Variants in TFCP2 observed in about 807,000 individuals in gnomAD.
TFCP2 encodes alpha-globin transcription factor CP2.
In TFCP2, 33 loss-of-function variants were observed where a neutral mutation model predicts 73.4. The ratio of observed to expected loss-of-function variants is 0.45; its 90% CI spans 0.34 to 0.60. The LOEUF (loss-of-function observed/expected upper bound fraction) is 0.60, where lower values mean the gene tolerates loss of function less well. TFCP2 is among the 20% of genes least tolerant of loss of function. The pLI is 0.01. For missense variants in TFCP2, 352 were observed against 604.0 expected (o/e 0.58, Z 4.37); for synonymous variants, 193 against 211.6 (o/e 0.91, Z 0.76).
Position 51,099,798 on chromosome 12 carries a change from CTAAT to C in TFCP2, c.1152-23_1152-20del. 2 of 1,611,762 alleles carry C rather than the reference CTAAT, an allele frequency of 1.2e-6. No individual in the cohort carries two copies. Among genetic ancestry groups the C allele is most frequent in the Non-Finnish European group, 1.7e-6 (2 of 1,178,268 alleles). On this transcript the variant is annotated intron_variant, in intron 11 of 14. Coordinates refer to ENST00000257915, the MANE Select transcript of TFCP2 (RefSeq NM_005653.5). The stretch of plus-strand genomic sequence containing the variant: ...CACCATCCTAAGGGGAGGAAAAAGG[CTAAT>C]TAGTCTTACATTCTTTATGGTAAGC...
intron 11 of TFCP2, among the ~76,000 whole-genome samples, chr12:51,101,066 G>A (rs1194356580): frequency 2.6e-5 from 4 of 152,158 alleles, no homozygotes; most frequent in Non-Finnish European, 5.9e-5. Context: ...CACTTTGGGA[G>A]GCCAAGGCGG....
intron 1 of TFCP2, among the ~76,000 whole-genome samples, chr12:51,156,023 T>C (rs996247108): frequency 6.7e-6 from 1 of 149,032 alleles, no homozygotes; most frequent in African/African-American, 2.5e-5. Context: ...GCCTCAGTGA[T>C]AGAGTGAGAC....
chr12:51,097,435 A>G (rs1939990977), intron 13 of TFCP2, among the ~76,000 whole-genome samples: 2 of 150,500 alleles, frequency 1.3e-5, no homozygotes, highest in African/African-American at 2.5e-5. Flanking sequence ...TTTAGTAGAG[A>G]TGGGGTTTCA....
Position 51,101,959 on chromosome 12 carries a change from C to T in TFCP2, c.1127G>A (p.Arg376Lys), listed in dbSNP as rs1361539904. Residue 376 changes from arginine (R) to lysine (K), a missense_variant, in exon 11 of 15, where the codon AGA becomes AAA. Physicochemically the swap from Arg to Lys is conservative, Grantham distance 26. This residue lies in a region of TFCP2 where 194 missense variants were observed against 256.3 expected (regional missense o/e 0.76). Coordinates refer to ENST00000257915, the MANE Select transcript of TFCP2 (RefSeq NM_005653.5). ...IQICGPADGI[R>K]LFNALKGRMV... The stretch of plus-strand genomic sequence containing the variant: ...CCGGCCTTTTAATGCATTAAAAAGT[C>T]TGATTCCATCTGCAGGGCCACAGAT... The T allele has an allele frequency of 1.2e-6, 2 of 1,612,486 alleles. No individual in the cohort carries two copies. Among genetic ancestry groups the T allele is most frequent in the Non-Finnish European group, 1.7e-6 (2 of 1,178,806 alleles).
intron 13 of TFCP2, 81 bp from the exon 14 acceptor site, chr12:51,096,121 C>T: frequency 1.8e-6 from 2 of 1,089,922 alleles, no homozygotes; most frequent in Non-Finnish European, 2.8e-6. Flanking sequence ...GACTACCCCA[C>T]ATCCAGAGGG....
In TFCP2 at chr12:51,121,394, G is replaced by A. The variant is rs191331504; in HGVS notation, c.123-2622C>T. Among the ~76,000 whole-genome samples, 188 of 150,994 alleles carry A rather than the reference G, an allele frequency of 1.2e-3. 2 individuals carry two copies. Among genetic ancestry groups the A allele is most frequent in the African/African-American group, 4.4e-3 (183 of 41,242 alleles). On this transcript the variant is annotated intron_variant, in intron 1 of 14. Transcript: ENST00000257915. ...AGATCGTACCACTGCACTGAAGCCC[G>A]GGAGACAGAGCGAGACTCCATCTCA...
At chr12:51,143,064 C>G (rs150866417) in intron 1 of TFCP2, among the ~76,000 whole-genome samples, 3 of 152,040 alleles carry the variant, frequency 2.0e-5, no homozygotes, top group Non-Finnish European at 4.4e-5. Flanking sequence ...CAACCCTCCC[C>G]CTCTACAAAA....
At position 51,106,524 on chromosome 12, in the gene TFCP2, C is replaced by T. The variant is rs904455893; in HGVS notation, c.917+1G>A. Reference sequence around the variant, plus strand: ...AAGCCAATTTTATTTCCCAGACTTACCCTTCCCCAAGAGAAAAACTGCTAT... The same window carrying T: ...AAGCCAATTTTATTTCCCAGACTTATCCTTCCCCAAGAGAAAAACTGCTAT... On this transcript the variant is annotated splice_donor_variant, in intron 8 of 14. Transcript: ENST00000257915. LOFTEE classifies it high-confidence loss of function. 2 of 1,610,074 alleles carry T rather than the reference C, an allele frequency of 1.2e-6. No homozygotes were observed. The highest frequency in any genetic ancestry group is 1.7e-5 in the Admixed American group (1 of 59,278).
At chr12:51,098,973 G>C in intron 12 of TFCP2, 55 bp from the exon 13 acceptor site, 2 of 1,583,206 alleles carry the variant, frequency 1.3e-6, no homozygotes, top group Non-Finnish European at 1.7e-6. Context: ...ACTCTTACAG[G>C]TAACTTGATC....
At chr12:51,142,171 T>G (rs894138290) in intron 1 of TFCP2, among the ~76,000 whole-genome samples, 3 of 112,574 alleles carry the variant, frequency 2.7e-5, no homozygotes, top group Non-Finnish European at 4.9e-5. Flanking sequence ...GCCACGGCAC[T>G]CCAGCCTGGG....
chr12:51,103,474 GTTTTT>G (rs1566199926), intron 10 of TFCP2, among the ~76,000 whole-genome samples, 191 bp downstream of exon 10: 1 of 152,132 alleles, frequency 6.6e-6, no homozygotes, highest in African/African-American at 2.4e-5. Flanking sequence ...AAAAGTGTTT[GTTTTT>G]AAGTATTTCA....
intron 1 of TFCP2, among the ~76,000 whole-genome samples, chr12:51,154,221 T>C (rs1017838608): frequency 5.9e-5 from 9 of 152,198 alleles, no homozygotes; most frequent in African/African-American, 2.2e-4. Flanking sequence ...AGGTCATCCT[T>C]ATCTGATGGG....
At position 51,095,131 on chromosome 12, in the gene TFCP2, G is replaced by A; in HGVS notation, c.*110C>T. On this transcript the variant is annotated 3_prime_UTR_variant, in exon 15 of 15. Coordinates refer to ENST00000257915, the MANE Select transcript of TFCP2 (RefSeq NM_005653.5). ...GCCTGGACTCCTCCACACACAGTCA[G>A]ACGAGTCAGGTTCTTGCAGACCTTC... is the stretch of plus-strand genomic sequence containing the variant. The A allele has an allele frequency of 8.0e-7, 1 of 1,248,062 alleles. No individual in the cohort carries two copies. The highest frequency in any genetic ancestry group is 2.3e-5 in the East Asian group (1 of 43,206). 77.3% of individuals were successfully genotyped at this position (1,248,062 alleles called of 1,614,324 possible).
intron 1 of TFCP2, among the ~76,000 whole-genome samples, chr12:51,137,719 T>C (rs1284979510): frequency 6.6e-6 from 1 of 152,244 alleles, no homozygotes; most frequent in Non-Finnish European, 1.5e-5. Context: ...GAAGGGAATC[T>C]GACTATTTTG....
At chr12:51,150,835 C>T (rs898310751) in intron 1 of TFCP2, among the ~76,000 whole-genome samples, 1 of 152,124 alleles carries the variant, frequency 6.6e-6, no homozygotes. Context: ...AACACATCAG[C>T]GCAAACTACT....
At chr12:51,142,814 T>C (rs758538894) in intron 1 of TFCP2, among the ~76,000 whole-genome samples, 23 of 152,184 alleles carry the variant, frequency 1.5e-4, no homozygotes, top group Non-Finnish European at 2.9e-4. Context: ...ATTCATTCCT[T>C]CAACCAAGAC....
intron 1 of TFCP2, among the ~76,000 whole-genome samples, chr12:51,168,424 A>G (rs1941796052): frequency 6.6e-6 from 1 of 152,008 alleles, no homozygotes; most frequent in Admixed American, 6.6e-5. Flanking sequence ...AAATAATCAG[A>G]TTTCTAGTCT....
rs1393301696 is a variant in TFCP2 at position 51,103,734 on chromosome 12, T to C, written c.996A>G (p.Glu332=). The change falls in exon 10 of 15, where the codon GAA becomes GAG. Residue 332 remains glutamate (E), a synonymous_variant. Transcript: ENST00000257915. ...GATTTCGATGCAACCACTGCTGAGC[T>C]TCCTGAGGTGTGGTTGTTGGTAAGA... ...DNLLPTTTPQ[E]AQQWLHRNRF... is the part of the protein sequence containing the mutation. The C allele has an allele frequency of 6.2e-7, 1 of 1,614,012 alleles. No homozygotes were observed. The highest frequency in any genetic ancestry group is 8.5e-7 in the Non-Finnish European group (1 of 1,179,972).
At chr12:51,164,443 A>G (rs1226273611) in intron 1 of TFCP2, among the ~76,000 whole-genome samples, 1 of 151,976 alleles carries the variant, frequency 6.6e-6, no homozygotes, top group African/African-American at 2.4e-5. Flanking sequence ...CTAAAAATAC[A>G]AAAATTAGCT....
Sources: gnomAD v4.1 joint callset for allele counts (sites outside exome capture counted in the v4.1 genomes callset) on GRCh38, gnomAD v4.1.1 for gene constraint, gnomAD v4.1.1 regional missense constraint, MANE v1.5 for transcripts, NCBI Gene and HGNC (gene_info 2026-07-23, HGNC 2026-07-21) for gene names.